C8orf34: variants seen among roughly 807,000 people sequenced by gnomAD.
The protein encoded by C8orf34 is uncharacterized protein C8orf34.
In C8orf34, 65 loss-of-function variants were observed where a neutral mutation model predicts 68.3. The ratio of observed to expected loss-of-function variants is 0.95; its 90% CI spans 0.78 to 1.17. C8orf34 has a LOEUF of 1.17. C8orf34 is among the 50% of genes most tolerant of loss of function. The probability of loss-of-function intolerance (pLI) is 0.00; values close to 1 mark genes in which losing one functional copy is unlikely to be tolerated. For missense variants in C8orf34, 664 were observed against 655.4 expected, an observed-to-expected ratio of 1.01 and a Z score of -0.14; for synonymous variants, 244 against 241.2, an observed-to-expected ratio of 1.01 and a Z score of -0.11.
At chr8:68,526,822 C>T (rs188496038) in intron 6 of C8orf34, among the ~76,000 whole-genome samples, 2 of 152,202 alleles carry the variant, frequency 1.3e-5, no homozygotes, top group African/African-American at 2.4e-5. Context: ...TAAATGTTTA[C>T]CAACCTATGC....
Position 68,494,594 on chromosome 8 carries a change from G to A in C8orf34, c.765+6543G>A, listed in dbSNP as rs537771139. Among the ~76,000 whole-genome samples, 37 of 152,186 alleles carry A rather than the reference G, an allele frequency of 2.4e-4. 1 individual carries two copies. The East Asian group carries it at 5.8e-3, about 24-fold the overall frequency. On this transcript the variant is annotated intron_variant, in intron 5 of 13. Transcript: ENST00000518698. Reference sequence around the variant, plus strand: ...TTTTAGTCTGGGTGCAGTCGCTCACGCCTGTAATCCCAGCACTTTGGTAGG... The same window carrying A: ...TTTTAGTCTGGGTGCAGTCGCTCACACCTGTAATCCCAGCACTTTGGTAGG...
chr8:68,443,688 G>A (rs1242086571), intron 2 of C8orf34, among the ~76,000 whole-genome samples: 1 of 152,076 alleles, frequency 6.6e-6, no homozygotes, highest in Non-Finnish European at 1.5e-5. Flanking sequence ...TTACAGGCAT[G>A]AGCCTCCACA....
At chr8:68,793,326 G>A (rs1436755602) in intron 12 of C8orf34, among the ~76,000 whole-genome samples, 2 of 152,130 alleles carry the variant, frequency 1.3e-5, no homozygotes, top group Non-Finnish European at 2.9e-5. Flanking sequence ...CTGTGTATGA[G>A]TGATCACTAC....
intron 1 of C8orf34, among the ~76,000 whole-genome samples, chr8:68,370,010 A>G (rs74608002): frequency 0.028 from 4,201 of 152,242 alleles, 78 homozygotes; most frequent in Middle Eastern, 0.058. Context: ...CAAAGAGGGC[A>G]TGCTCCTTTG....
At chr8:68,610,754 T>A (rs1257734419) in intron 7 of C8orf34, among the ~76,000 whole-genome samples, 1 of 151,908 alleles carries the variant, frequency 6.6e-6, no homozygotes, top group African/African-American at 2.4e-5. Context: ...AATGAGGGAA[T>A]GTTAGTGTCA....
chr8:68,379,893 C>A (rs566679511), intron 1 of C8orf34, among the ~76,000 whole-genome samples: 2 of 152,220 alleles, frequency 1.3e-5, no homozygotes, highest in African/African-American at 4.8e-5. Context: ...ACTCTGTTAC[C>A]CAAGCTGGAG....
At chr8:68,562,125 A>G (rs1007535053) in intron 7 of C8orf34, among the ~76,000 whole-genome samples, 2 of 152,228 alleles carry the variant, frequency 1.3e-5, no homozygotes, top group Admixed American at 6.5e-5. Context: ...ACAATTGGCA[A>G]TACAGTAGGT....
In C8orf34 at chr8:68,568,655, A is replaced by G. The variant is rs1816674121; in HGVS notation, c.1105+35506A>G. ...ATATATGGTAACTGACATTATAACTAGATCAGTAGATTTTATGAAGGCCCA... is the reference window on the plus strand; with the variant it reads ...ATATATGGTAACTGACATTATAACTGGATCAGTAGATTTTATGAAGGCCCA... On this transcript the variant is annotated intron_variant, in intron 7 of 13. Coordinates refer to ENST00000518698, the MANE Select transcript of C8orf34 (RefSeq NM_052958.4). Among the ~76,000 whole-genome samples the G allele has an allele frequency of 2.6e-5, 4 of 152,218 alleles. No homozygotes were observed. The South Asian group carries it at 8.3e-4, about 32-fold the overall frequency.
At chr8:68,502,021 G>A (rs1335122842) in intron 5 of C8orf34, among the ~76,000 whole-genome samples, 1 of 151,946 alleles carries the variant, frequency 6.6e-6, no homozygotes, top group Admixed American at 6.6e-5. Context: ...AGTACTCCGT[G>A]TGTGTGTGTG....
At chr8:68,725,182 T>A (rs1297553491) in intron 10 of C8orf34, among the ~76,000 whole-genome samples, 2 of 152,204 alleles carry the variant, frequency 1.3e-5, no homozygotes, top group Admixed American at 1.3e-4. Flanking sequence ...TCTATTTTGC[T>A]GTAAAAGTAT....
intron 9 of C8orf34, among the ~76,000 whole-genome samples, chr8:68,720,864 A>G (rs1258125258): frequency 6.6e-6 from 1 of 151,914 alleles, no homozygotes. Flanking sequence ...CTTCCTTCAT[A>G]CGTTGAAATG....
In C8orf34 at chr8:68,331,783, C is replaced by CTTTTTTTTTTTTTTTTTTTTTTTTTTTTT. The variant is rs552564162; in HGVS notation, c.327+445_327+473dup. Reference sequence around the variant, plus strand: ...CTTTTTTCTTTTCTTTTCTTTCCTTCTTTTTTTTTTTTTTTTTTTTTTTTT... The same window carrying CTTTTTTTTTTTTTTTTTTTTTTTTTTTTT: ...CTTTTTTCTTTTCTTTTCTTTCCTTCTTTTTTTTTTTTTTTTTTTTTTTTTTTTTTTTTTTTTTTTTTTTTTTTTTTTTT... On this transcript the variant is annotated intron_variant, in intron 1 of 13. Transcript: ENST00000518698. 5.8e-4 allele frequency among the ~76,000 whole-genome samples: 17 copies of CTTTTTTTTTTTTTTTTTTTTTTTTTTTTT among 29,468 alleles called. 1 individual carries two copies. Among genetic ancestry groups the CTTTTTTTTTTTTTTTTTTTTTTTTTTTTT allele is most frequent in the Non-Finnish European group, 6.8e-4 (10 of 14,630 alleles). 19.3% of individuals were successfully genotyped at this position (29,468 alleles called of 152,430 possible). A position where few individuals can be genotyped will look rare whatever the true frequency, so the allele number is the denominator to read the frequency against.
At chr8:68,346,700 G>A (rs1281369570) in intron 1 of C8orf34, among the ~76,000 whole-genome samples, 1 of 152,002 alleles carries the variant, frequency 6.6e-6, no homozygotes, top group Non-Finnish European at 1.5e-5. Context: ...CATACAATAT[G>A]TAGCCTTTTC....
intron 8 of C8orf34, among the ~76,000 whole-genome samples, chr8:68,688,517 C>A (rs553287707): frequency 6.6e-6 from 1 of 152,018 alleles, no homozygotes; most frequent in South Asian, 2.1e-4. Flanking sequence ...AAGATACATG[C>A]GCACGTATGT....
intron 1 of C8orf34, among the ~76,000 whole-genome samples, chr8:68,334,281 A>G (rs1488966519): frequency 2.6e-5 from 4 of 152,156 alleles, no homozygotes; most frequent in Admixed American, 6.5e-5. Context: ...GAGCATTACA[A>G]AACTATGCCT....
intron 3 of C8orf34, among the ~76,000 whole-genome samples, chr8:68,464,569 C>T (rs1468853694): frequency 1.3e-5 from 2 of 152,070 alleles, no homozygotes; most frequent in Admixed American, 6.5e-5. Context: ...CCTACAGTAA[C>T]CAAAACAGCA....
intron 1 of C8orf34, among the ~76,000 whole-genome samples, chr8:68,368,101 C>T (rs1807392671): frequency 6.6e-6 from 1 of 152,026 alleles, no homozygotes; most frequent in South Asian, 2.1e-4. Context: ...TTCAGCTCAG[C>T]AAAGTCATTA....
At chr8:68,596,110 C>CCTTA in intron 7 of C8orf34, among the ~76,000 whole-genome samples, 1 of 152,112 alleles carries the variant, frequency 6.6e-6, no homozygotes, top group East Asian at 1.9e-4. Context: ...CCCTCGAGTG[C>CCTTA]CTTAGGATTT....
chr8:68,781,958 G>A (rs1466218840), intron 11 of C8orf34, among the ~76,000 whole-genome samples: 4 of 152,158 alleles, frequency 2.6e-5, no homozygotes, highest in Non-Finnish European at 4.4e-5. Context: ...TGCTTGATAT[G>A]CTGAACTATT....
Sources: allele counts gnomAD v4.1 joint callset (sites outside exome capture counted in the v4.1 genomes callset), GRCh38; gene constraint gnomAD v4.1.1; transcripts MANE v1.5; gene names NCBI Gene and HGNC (gene_info 2026-07-23, HGNC 2026-07-21).